SH3KBP1: variants seen among roughly 807,000 people sequenced by gnomAD.
SH3KBP1 encodes SH3 domain containing kinase binding protein 1, also known as SH3 domain-containing kinase-binding protein 1.
SH3KBP1 carries 8 observed loss-of-function variants against 50.1 expected under a neutral mutation model. The ratio of observed to expected loss-of-function variants is 0.16; its 90% confidence interval spans 0.09 to 0.29. SH3KBP1 has a LOEUF of 0.29. SH3KBP1 is among the 10% of genes least tolerant of loss of function. SH3KBP1 has a pLI of 1.00. For synonymous variants in SH3KBP1, 227 were observed against 218.6 expected, an observed-to-expected ratio of 1.04 and a Z score of -0.34; for missense variants, 377 against 535.2, an observed-to-expected ratio of 0.70 and a Z score of 2.92.
intron 2 of SH3KBP1, among the ~76,000 whole-genome samples, chrX:19,823,842 G>C (rs1357794407): frequency 2.6e-4 from 29 of 111,373 alleles, no homozygotes; most frequent in African/African-American, 8.8e-4. Flanking sequence ...TTTGTTTTTT[G>C]AGATAGTCTC....
intron 1 of SH3KBP1, among the ~76,000 whole-genome samples, chrX:19,875,586 C>T (rs1381179986): frequency 1.8e-5 from 2 of 112,545 alleles, no homozygotes; most frequent in South Asian, 3.6e-4. Flanking sequence ...GTCCTCCATG[C>T]GCCCTCCTTC....
intron 3 of SH3KBP1, among the ~76,000 whole-genome samples, chrX:19,712,008 T>C (rs1199389808): frequency 9.0e-6 from 1 of 111,622 alleles, no homozygotes; most frequent in African/African-American, 3.3e-5. Context: ...GCACCACAAA[T>C]AACAGGTGAT....
At chrX:19,845,324 A>G (rs2068339223) in intron 1 of SH3KBP1, among the ~76,000 whole-genome samples, 1 of 107,580 alleles carries the variant, frequency 9.3e-6, no homozygotes, top group South Asian at 4.2e-4. Context: ...TAAAAATACA[A>G]AAAAATAGCC....
intron 1 of SH3KBP1, among the ~76,000 whole-genome samples, chrX:19,880,628 A>G (rs922215567): frequency 1.8e-5 from 2 of 112,606 alleles, no homozygotes; most frequent in African/African-American, 6.5e-5. Flanking sequence ...GGGAGGCTGA[A>G]CAATGACTTC....
At chrX:19,681,896 AAGACTAAACTC>A (rs2063063377) in intron 6 of SH3KBP1, among the ~76,000 whole-genome samples, 1 of 109,840 alleles carries the variant, frequency 9.1e-6, no homozygotes, top group African/African-American at 3.3e-5. Flanking sequence ...CTTCGCTCTT[AAGACTAAACTC>A]CAGGGGGATG....
chrX:19,861,604 G>A (rs777076251), intron 1 of SH3KBP1, among the ~76,000 whole-genome samples: 85 of 111,295 alleles, frequency 7.6e-4, no homozygotes, highest in Non-Finnish European at 1.4e-3. Context: ...GAGGGTCTTG[G>A]GAATTTAACC....
chrX:19,854,688 G>C (rs1424233593), intron 1 of SH3KBP1, among the ~76,000 whole-genome samples: 2 of 111,018 alleles, frequency 1.8e-5, no homozygotes, highest in East Asian at 5.7e-4. Context: ...ATTTATACCT[G>C]GCTCTAAGTC....
At chrX:19,871,718 C>G (rs988443303) in intron 1 of SH3KBP1, among the ~76,000 whole-genome samples, 2 of 111,390 alleles carry the variant, frequency 1.8e-5, no homozygotes, top group African/African-American at 6.5e-5. Flanking sequence ...GGGGTTCTAG[C>G]CACCCTTACG....
intron 2 of SH3KBP1, among the ~76,000 whole-genome samples, chrX:19,817,253 C>G (rs2067384497): frequency 8.9e-6 from 1 of 111,944 alleles, no homozygotes; most frequent in African/African-American, 3.3e-5. Context: ...AATGTTTTGA[C>G]TATTGTAGTT....
At chrX:19,581,907 C>A (rs771313631) in intron 12 of SH3KBP1, among the ~76,000 whole-genome samples, 2 of 108,117 alleles carry the variant, frequency 1.8e-5, no homozygotes, top group Non-Finnish European at 3.8e-5. Context: ...TCCCCTTATC[C>A]TATGCTCCAA....
intron 2 of SH3KBP1, among the ~76,000 whole-genome samples, chrX:19,829,720 CA>C (rs758791831): frequency 1.3e-3 from 77 of 58,394 alleles, no homozygotes; most frequent in South Asian, 4.2e-3. Context: ...CACTCCGTCT[CA>C]AAAAAAAAAA....
chrX:19,553,864 AAT>A (rs1019709123), intron 13 of SH3KBP1, among the ~76,000 whole-genome samples: 2 of 84,371 alleles, frequency 2.4e-5, no homozygotes, highest in African/African-American at 4.4e-5. Context: ...TATATATTAA[AAT>A]ATATGTTAAT....
At chrX:19,832,222 A>G (rs1324618433) in intron 2 of SH3KBP1, among the ~76,000 whole-genome samples, 1 of 111,869 alleles carries the variant, frequency 8.9e-6, no homozygotes. Flanking sequence ...ACTAGAGGAC[A>G]CCTGAGCAGG....
intron 17 of SH3KBP1, among the ~76,000 whole-genome samples, chrX:19,537,013 C>T (rs1366292140): frequency 6.2e-5 from 7 of 112,038 alleles, no homozygotes; most frequent in Admixed American, 9.5e-5. Context: ...AGCTCTAACG[C>T]CCTGGCAGGA....
chrX:19,535,892 G>A lies in SH3KBP1; in HGVS notation c.*525C>T, dbSNP rs1184147627. On this transcript the variant is annotated 3_prime_UTR_variant, in exon 18 of 18. Coordinates refer to ENST00000397821, the MANE Select transcript of SH3KBP1 (RefSeq NM_031892.3). ...TTGCTGGCAGGGAAAGGGACAGGTTGAACCTACAATTGCATATGTAATAGA... is the reference window on the plus strand; with the variant it reads ...TTGCTGGCAGGGAAAGGGACAGGTTAAACCTACAATTGCATATGTAATAGA... 1 of 111,127 alleles carries A rather than the reference G, an allele frequency of 9.0e-6. No homozygotes were observed. Among genetic ancestry groups the A allele is most frequent in the Non-Finnish European group, 1.9e-5 (1 of 53,007 alleles). 9.2% of individuals were successfully genotyped at this position (111,127 alleles called of 1,213,427 possible).
At chrX:19,740,991 C>G (rs762833635) in intron 3 of SH3KBP1, among the ~76,000 whole-genome samples, 8 of 112,842 alleles carry the variant, frequency 7.1e-5, no homozygotes, top group Non-Finnish European at 1.3e-4. Context: ...CATTAAGCAA[C>G]ATTCTTCTGA....
chrX:19,669,152 G>T (rs1055573586), intron 6 of SH3KBP1, among the ~76,000 whole-genome samples: 5 of 100,349 alleles, frequency 5.0e-5, no homozygotes, highest in Admixed American at 1.1e-4. Flanking sequence ...TTTTCGTAGA[G>T]TTGGGGTTTT....
chrX:19,587,152 G>A (rs1569313669), intron 12 of SH3KBP1, among the ~76,000 whole-genome samples: 1 of 107,451 alleles, frequency 9.3e-6, no homozygotes, highest in Non-Finnish European at 1.9e-5. Flanking sequence ...AACCCAGGAG[G>A]AGGAGGTTGC....
chrX:19,733,326 ATATAT>A (rs1158081035), intron 3 of SH3KBP1, among the ~76,000 whole-genome samples: 1 of 110,452 alleles, frequency 9.1e-6, no homozygotes, highest in South Asian at 3.7e-4. Flanking sequence ...ATATATTAAA[ATATAT>A]TATAAAGCCA....
Sources: allele counts gnomAD v4.1 joint callset (sites outside exome capture counted in the v4.1 genomes callset), GRCh38; gene constraint gnomAD v4.1.1; transcripts MANE v1.5; gene names NCBI Gene and HGNC (gene_info 2026-07-23, HGNC 2026-07-21).